USP39: variants seen among roughly 807,000 people sequenced by gnomAD.
USP39 encodes the protein ubiquitin specific peptidase 39, also known as ubiquitin carboxyl-terminal hydrolase 39.
Under a neutral mutation model 66.4 loss-of-function variants are expected in USP39, and 38 were observed. The ratio of observed to expected loss-of-function variants is 0.57; its 90% CI spans 0.44 to 0.75. USP39 has a LOEUF of 0.75. Among genes scored for constraint, USP39 ranks in the 30% least tolerant of loss-of-function variants. The pLI is 0.00. For synonymous variants in USP39, 303 were observed against 274.6 expected (o/e 1.10, Z -1.02); for missense variants, 608 against 714.4 (o/e 0.85, Z 1.70).
chr2:85,644,498 C>G (rs1573450921), intron 10 of USP39, among the ~76,000 whole-genome samples: 1 of 152,222 alleles, frequency 6.6e-6, no homozygotes, highest in East Asian at 1.9e-4. Flanking sequence ...ATAGTGTGGT[C>G]CTGGCTCACT....
chr2:85,617,393 T>C (rs1266171737), intron 1 of USP39, among the ~76,000 whole-genome samples: 1 of 152,226 alleles, frequency 6.6e-6, no homozygotes, highest in African/African-American at 2.4e-5. Context: ...AATTTTCCAT[T>C]AGTCTCTTGA....
intron 9 of USP39, chr2:85,639,667 C>G (rs959629018): frequency 8.0e-6 from 2 of 249,944 alleles, no homozygotes; most frequent in African/African-American, 2.3e-5. Flanking sequence ...AGGTTGGTCT[C>G]GAACTCTTGA....
chr2:85,616,398 C>A lies in USP39; in HGVS notation c.203C>A (p.Pro68Gln), dbSNP rs543189013. The change falls in exon 1 of 13, where the codon CCG becomes CAG. Residue 68 changes from proline (P) to glutamine (Q), a missense_variant. By Grantham distance (76) the Pro-to-Gln change is moderately conservative (BLOSUM62 -1). Around this residue, in one of 6 missense-constraint regions of USP39, gnomAD observed 207 missense variants for 145.7 expected, o/e 1.42. Transcript: ENST00000323701. ...CGCGAGGCCCCGGCTTCTGTTGTCCCGTTTGTGCGGGTGAAGCGGGAGCGC... is the reference window on the plus strand; with the variant it reads ...CGCGAGGCCCCGGCTTCTGTTGTCCAGTTTGTGCGGGTGAAGCGGGAGCGC... ...SAREAPASVV[P>Q]FVRVKREREV... 1.2e-5 allele frequency: 19 copies of A among 1,603,380 alleles called. No homozygotes were observed. The African/African-American group carries it at 2.6e-4, about 22-fold the overall frequency.
chr2:85,627,647 T>C (rs1199087291), intron 5 of USP39, among the ~76,000 whole-genome samples: 7 of 151,142 alleles, frequency 4.6e-5, no homozygotes, highest in Admixed American at 4.0e-4. Context: ...AAAAAAAAAT[T>C]AGCTGGGCAC....
At chr2:85,648,044 A>C in intron 12 of USP39, 28 bp downstream of exon 12, 2 of 1,612,584 alleles carry the variant, frequency 1.2e-6, no homozygotes, top group Non-Finnish European at 1.7e-6. Context: ...TTAGTGAGCC[A>C]CAAATAGGTG....
At chr2:85,609,207 T>C (rs915812844), upstream of USP39, 87 of 1,309,078 alleles carry the variant, frequency 6.6e-5, no homozygotes, top group Non-Finnish European at 8.9e-5. Flanking sequence ...GTGTCTCCTG[T>C]AATAGTGATT....
chr2:85,635,574 C>T (rs1675704803), intron 6 of USP39, among the ~76,000 whole-genome samples: 1 of 151,872 alleles, frequency 6.6e-6, no homozygotes, highest in African/African-American at 2.4e-5. Context: ...AAAAAAGTAG[C>T]CACTATCCCT....
At chr2:85,605,636 A>G (rs979462229) in intron 1 of USP39, among the ~76,000 whole-genome samples, 2 of 152,240 alleles carry the variant, frequency 1.3e-5, no homozygotes, top group African/African-American at 4.8e-5. Context: ...ATCTAGTGGT[A>G]GGAAAATAAT....
At position 85,625,599 on chromosome 2, in the gene USP39, T is replaced by C; in HGVS notation, c.631T>C (p.Leu211=). 1.2e-6 allele frequency: 2 copies of C among 1,614,136 alleles called. No individual in the cohort carries two copies. The highest frequency in any genetic ancestry group is 1.7e-6 in the Non-Finnish European group (2 of 1,179,986). The change falls in exon 5 of 13, where the codon TTG becomes CTG. Residue 211 remains leucine (L), a synonymous_variant. Coordinates refer to ENST00000323701, the MANE Select transcript of USP39 (RefSeq NM_006590.4). Reference sequence around the variant, plus strand: ...TGCAAACTTGGACAAGCAAGCCAAATTGTCCCGGGCATATGATGGTACCAC... The same window carrying C: ...TGCAAACTTGGACAAGCAAGCCAAACTGTCCCGGGCATATGATGGTACCAC... ...QIANLDKQAK[L]SRAYDGTTYL...
intron 3 of USP39, among the ~76,000 whole-genome samples, chr2:85,622,850 C>T (rs1014022325): frequency 3.9e-5 from 6 of 152,046 alleles, no homozygotes; most frequent in Admixed American, 1.3e-4. Context: ...CAAGACCCAC[C>T]TGGCTAACAT....
chr2:85,607,795 T>C (rs1010657587), upstream of USP39: 1 of 152,214 alleles, frequency 6.6e-6, no homozygotes. Flanking sequence ...AACAAGTGCC[T>C]TGGAACTTCC....
At chr2:85,629,497 CTCT>C (rs1675152814) in intron 5 of USP39, among the ~76,000 whole-genome samples, 1 of 148,764 alleles carries the variant, frequency 6.7e-6, no homozygotes, top group South Asian at 2.1e-4. Flanking sequence ...TTTTCTCTTT[CTCT>C]TTTTTTTTTT....
At chr2:85,613,211 T>TCTCTACAAG (rs1241534721), upstream of USP39, among the ~76,000 whole-genome samples, 1 of 150,860 alleles carries the variant, frequency 6.6e-6, no homozygotes, top group East Asian at 2.0e-4. Context: ...AAAAATACAT[T>TCTCTACAAG]AAAAAAGAAA....
At chr2:85,606,147 G>A (rs975418599) in intron 1 of USP39, among the ~76,000 whole-genome samples, 2 of 152,190 alleles carry the variant, frequency 1.3e-5, no homozygotes, top group African/African-American at 4.8e-5. Flanking sequence ...ATGGGCATGA[G>A]ATATGCCTAT....
intron 5 of USP39, among the ~76,000 whole-genome samples, chr2:85,628,144 G>A (rs1484500910): frequency 1.3e-5 from 2 of 151,926 alleles, no homozygotes; most frequent in Non-Finnish European, 2.9e-5. Context: ...TCATGGCTGC[G>A]TGAAAACTGA....
chr2:85,632,448 C>CTT (rs59457171), intron 6 of USP39, among the ~76,000 whole-genome samples: 6,859 of 135,982 alleles, frequency 0.05, 230 homozygotes, highest in Middle Eastern at 0.097. Context: ...TTTCAACTAT[C>CTT]TTTTTTTTTT....
At position 85,623,774 on chromosome 2, in the gene USP39, G is replaced by A; in HGVS notation, c.562G>A (p.Asp188Asn). The A allele has an allele frequency of 5.0e-6, 8 of 1,611,880 alleles. No homozygotes were observed. Among genetic ancestry groups the A allele is most frequent in the Non-Finnish European group, 6.8e-6 (8 of 1,179,172 alleles). Reference sequence around the variant, plus strand: ...TGAGATCATCGATTCCTCATTGGAGGATATCACGGTGTGTGTCTAAGAGGG... The same window carrying A: ...TGAGATCATCGATTCCTCATTGGAGAATATCACGGTGTGTGTCTAAGAGGG... ...NYEIIDSSLE[D>N]ITYVLKPTFT... is the part of the protein sequence containing the mutation. Residue 188 changes from aspartate to asparagine, a missense_variant, in exon 4 of 13, where the codon GAT becomes AAT. Asp to Asn is a conservative substitution (Grantham distance 23). Coordinates refer to ENST00000323701, the MANE Select transcript of USP39 (RefSeq NM_006590.4).
upstream of USP39, chr2:85,611,324 C>A: frequency 7.0e-7 from 1 of 1,427,670 alleles, no homozygotes; most frequent in Non-Finnish European, 9.1e-7. Context: ...TTACTGGGTT[C>A]ATTCCGCAAT....
upstream of USP39, chr2:85,609,395 C>T (rs1673356899): frequency 6.2e-7 from 1 of 1,607,024 alleles, no homozygotes. Context: ...ACTACCATGG[C>T]CCAGGACCTT....
Sources: gnomAD v4.1 joint callset for allele counts (sites outside exome capture counted in the v4.1 genomes callset) on GRCh38, gnomAD v4.1.1 for gene constraint, gnomAD v4.1.1 regional missense constraint, MANE v1.5 for transcripts, NCBI Gene and HGNC (gene_info 2026-07-23, HGNC 2026-07-21) for gene names.